Variants in BRPF3 observed in about 807,000 individuals in gnomAD.
BRPF3 encodes bromodomain and PHD finger containing 3.
A neutral mutation model predicts 102.0 loss-of-function variants in BRPF3; 18 were observed. That is an observed-to-expected ratio of 0.18 (90% CI 0.12 to 0.26). The LOEUF is 0.26. BRPF3 is among the 10% of genes least tolerant of loss of function. The pLI, the probability that BRPF3 is intolerant of heterozygous loss-of-function variation, is 1.00. For synonymous variants in BRPF3, 570 were observed against 614.2 expected (o/e 0.93, Z 1.06); for missense variants, 1,147 against 1,567.8 (o/e 0.73, Z 4.53).
At chr6:36,227,174 A>G (rs1307319495) in intron 11 of BRPF3, among the ~76,000 whole-genome samples, 1 of 152,114 alleles carries the variant, frequency 6.6e-6, no homozygotes, top group Non-Finnish European at 1.5e-5. Context: ...TAAATAGTGG[A>G]TATAAAGTTT....
rs187082179 is a variant in BRPF3 at position 36,217,166 on chromosome 6, A to G, written c.2990-751A>G. The stretch of plus-strand genomic sequence containing the variant: ...CCCCACTATAAACAGACCTTCTCTC[A>G]TACATACTGAATAGTAAGTAAGTAA... On this transcript the variant is annotated intron_variant, in intron 8 of 12. Transcript: ENST00000357641. 1.6e-3 allele frequency among the ~76,000 whole-genome samples: 246 copies of G among 152,296 alleles called. 1 individual carries two copies. Among genetic ancestry groups the G allele is most frequent in the South Asian group, 4.6e-3 (22 of 4,816 alleles).
intron 7 of BRPF3, among the ~76,000 whole-genome samples, chr6:36,213,430 A>T (rs1455679501): frequency 6.6e-6 from 1 of 152,154 alleles, no homozygotes; most frequent in Non-Finnish European, 1.5e-5. Context: ...ACAGTGGCTC[A>T]TCCCTGTAAT....
At chr6:36,219,997 C>T (rs749485960) in intron 9 of BRPF3, among the ~76,000 whole-genome samples, 1 of 152,186 alleles carries the variant, frequency 6.6e-6, no homozygotes, top group Admixed American at 6.5e-5. Context: ...AGGTACTGTT[C>T]TAAGCACTAA....
At position 36,201,314 on chromosome 6, in the gene BRPF3, A is replaced by G. The variant is rs746722104; in HGVS notation, c.992A>G (p.Lys331Arg). Residue 331 changes from lysine to arginine, a missense_variant, in exon 2 of 13, where the codon AAA becomes AGA. By Grantham distance (26) the Lys-to-Arg change is conservative. This residue lies in a region of BRPF3 where 44 missense variants were observed against 101.4 expected (regional missense o/e 0.43). Transcript: ENST00000357641. The surrounding 1 kb of genome is among the most constrained non-coding windows in gnomAD (Gnocchi z 5.1). Reference protein sequence around the residue: ...WKLTCYICKQKGLGAAIQCHK... With the variant: ...WKLTCYICKQRGLGAAIQCHK... ...CTAACCTGCTATATCTGCAAGCAGA[A>G]AGGGCTAGGTGCAGCCATCCAGTGC... 2.5e-6 allele frequency: 4 copies of G among 1,614,178 alleles called. No homozygotes were observed. Among genetic ancestry groups the G allele is most frequent in the Middle Eastern group, 1.6e-4 (1 of 6,062 alleles).
intron 9 of BRPF3, among the ~76,000 whole-genome samples, chr6:36,219,994 G>C (rs1198756270): frequency 6.6e-6 from 1 of 152,188 alleles, no homozygotes; most frequent in Admixed American, 6.5e-5. Context: ...GCCAGGTACT[G>C]TTCTAAGCAC....
At chr6:36,208,253 GT>G (rs1290397358) in intron 4 of BRPF3, among the ~76,000 whole-genome samples, 1 of 152,154 alleles carries the variant, frequency 6.6e-6, no homozygotes, top group Non-Finnish European at 1.5e-5. Flanking sequence ...AGCAAATACT[GT>G]TAATTAAGTG....
rs560688539 is a variant in BRPF3, at chr6:36,232,260, A to G, written c.*1651A>G. 6 of 152,432 alleles carry G rather than the reference A, an allele frequency of 3.9e-5. No individual in the cohort carries two copies. The highest frequency in any genetic ancestry group is 1.2e-4 in the African/African-American group (5 of 41,570). The allele number at this position is 152,432 out of a possible 1,614,324, so 9.4% of individuals were successfully genotyped here. A position where few individuals can be genotyped will look rare whatever the true frequency, so the allele number is the denominator to read the frequency against. ...ATACTGTTCTAAATTATTCAGGCCT[A>G]TAGTTTCCATTACTGGAGTCCTCCA... On this transcript the variant is annotated 3_prime_UTR_variant, in exon 13 of 13. Transcript: ENST00000357641.
chr6:36,212,655 C>T (rs1768168228), intron 7 of BRPF3, among the ~76,000 whole-genome samples: 1 of 149,558 alleles, frequency 6.7e-6, no homozygotes, highest in Non-Finnish European at 1.5e-5. Flanking sequence ...TTGGAAGTCT[C>T]AATTTTTAAA....
rs1581938590 is a variant in BRPF3 at position 36,200,125 on chromosome 6, A to T, written c.-26-172A>T. 6.6e-6 allele frequency among the ~76,000 whole-genome samples: 1 copy of T among 152,358 alleles called. No individual in the cohort carries two copies. The highest frequency in any genetic ancestry group is 2.1e-4 in the South Asian group (1 of 4,820). ...CTCACTGAGAAGTGTTGTTCACTTG[A>T]AGAAATGAAAGACTCAAAGGAAGTG... On this transcript the variant is annotated intron_variant, in intron 1 of 12. Transcript: ENST00000357641. This position sits in a 1 kb window ranked among gnomAD's most constrained non-coding sequence, Gnocchi z 5.3.
chr6:36,199,952 G>A (rs1252636044), intron 1 of BRPF3, among the ~76,000 whole-genome samples: 8 of 152,084 alleles, frequency 5.3e-5, no homozygotes, highest in Non-Finnish European at 1.0e-4. Context: ...TCTAGTGGAA[G>A]GAAGGAAACA....
chr6:36,219,592 A>G (rs1768461036), intron 9 of BRPF3, among the ~76,000 whole-genome samples: 1 of 152,224 alleles, frequency 6.6e-6, no homozygotes, highest in Admixed American at 6.5e-5. Context: ...GGCTCTGGTT[A>G]GCCTGCTAAT....
intron 11 of BRPF3, 129 bp downstream of exon 11, chr6:36,225,493 GC>G: frequency 1.3e-6 from 1 of 791,376 alleles, no homozygotes; most frequent in Non-Finnish European, 2.0e-6. Flanking sequence ...GGGGGGTTTT[GC>G]CCCAGCCTGA....
At chr6:36,218,041 A>G in intron 9 of BRPF3, 31 bp downstream of exon 9, 1 of 1,581,732 alleles carries the variant, frequency 6.3e-7, no homozygotes. Flanking sequence ...CTTTGTCAGC[A>G]GCTCTGCTAC....
In BRPF3 at chr6:36,207,350, A is replaced by T. The variant is rs757375083; in HGVS notation, c.1643A>T (p.Glu548Val). 2 of 1,614,042 alleles carry T rather than the reference A, an allele frequency of 1.2e-6. No homozygotes were observed. The highest frequency in any genetic ancestry group is 3.3e-5 in the Admixed American group (2 of 60,016). ...QDEKTSAVKE[E>V]LKYWQKLRHD... ...GAGAAGACAAGTGCAGTGAAGGAGGAGCTGAAGTATTGGCAGAAGCTCCGG... is the reference window on the plus strand; with the variant it reads ...GAGAAGACAAGTGCAGTGAAGGAGGTGCTGAAGTATTGGCAGAAGCTCCGG... Residue 548 changes from glutamate to valine, a missense_variant, in exon 4 of 13, where the codon GAG becomes GTG. By Grantham distance (121) the Glu-to-Val change is moderately radical. Around this residue, in one of 11 missense-constraint regions of BRPF3, gnomAD observed 23 missense variants for 54.4 expected, o/e 0.42. Coordinates refer to ENST00000357641, the MANE Select transcript of BRPF3 (RefSeq NM_015695.3).
chr6:36,225,255 C>A lies in BRPF3; in HGVS notation c.3182-12C>A. The A allele has an allele frequency of 6.2e-7, 1 of 1,604,132 alleles. No homozygotes were observed. The highest frequency in any genetic ancestry group is 8.5e-7 in the Non-Finnish European group (1 of 1,178,676). On this transcript the variant is annotated splice_polypyrimidine_tract_variant and intron_variant, in intron 10 of 12. Coordinates refer to ENST00000357641, the MANE Select transcript of BRPF3 (RefSeq NM_015695.3). Reference sequence around the variant, plus strand: ...CCTTTGGGTGCTGTCTCCTCCCCTCCCCCACCCCCAGGCAGAAGCCTCCTG... The same window carrying A: ...CCTTTGGGTGCTGTCTCCTCCCCTCACCCACCCCCAGGCAGAAGCCTCCTG...
At chr6:36,227,934 C>T (rs982366139) in intron 11 of BRPF3, among the ~76,000 whole-genome samples, 2 of 152,158 alleles carry the variant, frequency 1.3e-5, no homozygotes, top group Non-Finnish European at 2.9e-5. Context: ...ACTGGGACAG[C>T]GTATAGGAAG....
At chr6:36,229,118 G>T (rs1217007789) in intron 12 of BRPF3, 62 bp downstream of exon 12, 7 of 1,574,514 alleles carry the variant, frequency 4.4e-6, no homozygotes, top group Non-Finnish European at 1.7e-6. Context: ...CAGTGGTGCT[G>T]TGCTAGTGAG....
Position 36,204,720 on chromosome 6 carries a change from A to G in BRPF3, c.1511A>G (p.His504Arg). ...QRKNQFMQRL[H>R]NYWLLKRQAR... is the part of the protein sequence containing the mutation. Reference sequence around the variant, plus strand: ...AAAAACCAGTTTATGCAGCGGCTTCACAATTATTGGCTGTTGAAGCGGCAG... The same window carrying G: ...AAAAACCAGTTTATGCAGCGGCTTCGCAATTATTGGCTGTTGAAGCGGCAG... The change falls in exon 3 of 13, where the codon CAC becomes CGC. Residue 504 changes from histidine (H) to arginine (R), a missense_variant. Physicochemically the swap from His to Arg is conservative, Grantham distance 29. This residue lies in a region of BRPF3 where 10 missense variants were observed against 30.8 expected (regional missense o/e 0.33). Transcript: ENST00000357641. 1 of 1,614,196 alleles carries G rather than the reference A, an allele frequency of 6.2e-7. No homozygotes were observed. Among genetic ancestry groups the G allele is most frequent in the Non-Finnish European group, 8.5e-7 (1 of 1,180,036 alleles).
At chr6:36,218,139 GC>G in intron 9 of BRPF3, 129 bp downstream of exon 9, 1 of 739,166 alleles carries the variant, frequency 1.4e-6, no homozygotes, top group African/African-American at 1.8e-5. Flanking sequence ...ATTTCCTGAG[GC>G]CTCTTATCTG....
Sources: allele counts gnomAD v4.1 joint callset (sites outside exome capture counted in the v4.1 genomes callset), GRCh38; gene constraint gnomAD v4.1.1; regional missense constraint gnomAD v4.1.1; non-coding constraint Gnocchi (gnomAD v3.1); transcripts MANE v1.5; gene names NCBI Gene and HGNC (gene_info 2026-07-23, HGNC 2026-07-21).